The following KIAA0825 variants were observed in gnomAD, a reference collection of about 807,000 sequenced individuals.
KIAA0825 encodes the protein KIAA0825.
In KIAA0825, 119 loss-of-function variants were observed where a neutral mutation model predicts 147.6. The observed-to-expected ratio is 0.81, with a 90% CI of 0.69 to 0.94. KIAA0825 has a LOEUF of 0.94. KIAA0825 is among the 40% of genes least tolerant of loss of function. KIAA0825 has a pLI of 0.00. For synonymous variants in KIAA0825, 470 were observed against 518.1 expected (o/e 0.91, Z 1.26); for missense variants, 1,381 against 1,472.7 (o/e 0.94, Z 1.02).
At chr5:94,563,407 T>C (rs1391956148) in intron 2 of KIAA0825, among the ~76,000 whole-genome samples, 1 of 151,994 alleles carries the variant, frequency 6.6e-6, no homozygotes, top group East Asian at 1.9e-4. Flanking sequence ...AAAGTCAGAT[T>C]TCTAGAAAAG....
At chr5:94,388,200 T>C (rs1749431106) in intron 18 of KIAA0825, among the ~76,000 whole-genome samples, 1 of 152,170 alleles carries the variant, frequency 6.6e-6, no homozygotes, top group South Asian at 2.1e-4. Flanking sequence ...ATAGGGTTCA[T>C]GCTCCTATGA....
At chr5:94,294,295 C>G (rs941181642) in intron 20 of KIAA0825, among the ~76,000 whole-genome samples, 2 of 152,182 alleles carry the variant, frequency 1.3e-5, no homozygotes, top group Non-Finnish European at 2.9e-5. Flanking sequence ...TTTAGTGCTT[C>G]TTTCAGGAGC....
intron 5 of KIAA0825, among the ~76,000 whole-genome samples, chr5:94,486,276 CA>C (rs1256402255): frequency 6.6e-6 from 1 of 151,968 alleles, no homozygotes; most frequent in African/African-American, 2.4e-5. Flanking sequence ...AAGTGCTATT[CA>C]AAAACTGTAT....
At position 94,396,503 on chromosome 5, in the gene KIAA0825, G is replaced by T. The variant is rs1335003001; in HGVS notation, c.2894C>A (p.Thr965Lys). 6 of 1,478,804 alleles carry T rather than the reference G, an allele frequency of 4.1e-6. No individual in the cohort carries two copies. The African/African-American group carries it at 7.1e-5, about 18-fold the overall frequency. 91.6% of individuals were successfully genotyped at this position (1,478,804 alleles called of 1,614,324 possible). Residue 965 changes from threonine (T) to lysine (K), a missense_variant, in exon 17 of 21, where the codon ACA becomes AAA. Physicochemically the swap from Thr to Lys is moderately conservative, Grantham distance 78. Transcript: ENST00000682413. Reference protein sequence around the residue: ...TNRKESCKSFTRLTAQAVSIV... With the variant: ...TNRKESCKSFKRLTAQAVSIV... ...AGATACTGCCTGAGCAGTAAGCCTT[G>T]TGAAGCCTGGGGAAGAAAAGAAAAG...
At position 94,379,955 on chromosome 5, in the gene KIAA0825, G is replaced by A. The variant is rs183286753; in HGVS notation, c.3710+4413C>T. 1.7e-3 allele frequency among the ~76,000 whole-genome samples: 235 copies of A among 136,846 alleles called. 1 individual carries two copies. Among genetic ancestry groups the A allele is most frequent in the African/African-American group, 6.2e-3 (225 of 36,418 alleles). 89.8% of individuals were successfully genotyped at this position (136,846 alleles called of 152,430 possible). A position where few individuals can be genotyped will look rare whatever the true frequency, so the allele number is the denominator to read the frequency against. On this transcript the variant is annotated intron_variant, in intron 20 of 20. Coordinates refer to ENST00000682413, the MANE Select transcript of KIAA0825 (RefSeq NM_001145678.3). The stretch of plus-strand genomic sequence containing the variant: ...TGCAAGCTCCACCTCCTGGGCTCAC[G>A]CCATTCTCCTGCCTCAGCCTCCCCA...
intron 20 of KIAA0825, among the ~76,000 whole-genome samples, chr5:94,278,509 C>T (rs974987991): frequency 1.3e-5 from 2 of 151,792 alleles, no homozygotes; most frequent in Non-Finnish European, 3.0e-5. Context: ...AAGATAGTAT[C>T]TATGTGTTTT....
At chr5:94,160,280 CTTTG>C (rs1261959267) in intron 20 of KIAA0825, among the ~76,000 whole-genome samples, 2 of 151,874 alleles carry the variant, frequency 1.3e-5, no homozygotes, top group Non-Finnish European at 1.5e-5. Flanking sequence ...CATCTTTAAA[CTTTG>C]TTTTTGTCCT....
At chr5:94,476,766 T>A (rs898947127) in intron 7 of KIAA0825, among the ~76,000 whole-genome samples, 30 of 152,276 alleles carry the variant, frequency 2.0e-4, no homozygotes, top group African/African-American at 7.2e-4. Context: ...ATGAGGCCAG[T>A]TGAGATGATT....
At chr5:94,427,679 AT>A (rs1554278180) in intron 14 of KIAA0825, among the ~76,000 whole-genome samples, 1 of 152,166 alleles carries the variant, frequency 6.6e-6, no homozygotes, top group Non-Finnish European at 1.5e-5. Flanking sequence ...TTTAAATGGT[AT>A]AAGTATTTTT....
At chr5:94,505,079 G>T (rs932651136) in intron 5 of KIAA0825, among the ~76,000 whole-genome samples, 1 of 151,680 alleles carries the variant, frequency 6.6e-6, no homozygotes, top group African/African-American at 2.4e-5. Flanking sequence ...TTAATCTCAG[G>T]CCAGGCACGG....
intron 20 of KIAA0825, among the ~76,000 whole-genome samples, chr5:94,161,983 A>C (rs74699674): frequency 3.3e-5 from 5 of 152,170 alleles, no homozygotes; most frequent in African/African-American, 1.2e-4. Context: ...ATGCCACCCA[A>C]GCTGAGGCCA....
At chr5:94,450,382 A>C (rs1758253076) in intron 13 of KIAA0825, among the ~76,000 whole-genome samples, 1 of 147,750 alleles carries the variant, frequency 6.8e-6, no homozygotes, top group Non-Finnish European at 1.5e-5. Flanking sequence ...GGGAATCTGC[A>C]TACTAGATCA....
At chr5:94,320,112 G>A (rs1780021068) in intron 20 of KIAA0825, among the ~76,000 whole-genome samples, 1 of 151,798 alleles carries the variant, frequency 6.6e-6, no homozygotes, top group South Asian at 2.1e-4. Context: ...GTCTTCCCTG[G>A]TTTTCCCACT....
intron 5 of KIAA0825, among the ~76,000 whole-genome samples, chr5:94,512,217 A>G (rs1766586603): frequency 6.6e-6 from 1 of 152,082 alleles, no homozygotes; most frequent in Non-Finnish European, 1.5e-5. Context: ...AAATCTTGCT[A>G]ATGTTTATTT....
intron 20 of KIAA0825, among the ~76,000 whole-genome samples, chr5:94,226,687 A>G (rs1344400273): frequency 3.3e-5 from 5 of 152,072 alleles, no homozygotes; most frequent in Non-Finnish European, 7.4e-5. Context: ...AATGAACTCA[A>G]ACAAATTTAC....
chr5:94,528,957 G>T (rs2151275442), intron 3 of KIAA0825, among the ~76,000 whole-genome samples: 1 of 151,596 alleles, frequency 6.6e-6, no homozygotes, highest in Non-Finnish European at 1.5e-5. Context: ...TCTCTTTTTG[G>T]AGAAAGAGAC....
At chr5:94,473,192 G>T in intron 8 of KIAA0825, 100 bp downstream of exon 8, 1 of 887,120 alleles carries the variant, frequency 1.1e-6, no homozygotes, top group Non-Finnish European at 1.8e-6. Flanking sequence ...ACTTGCCAAG[G>T]GACTCCACCA....
intron 20 of KIAA0825, among the ~76,000 whole-genome samples, chr5:94,312,511 C>T (rs991475419): frequency 2.0e-5 from 3 of 151,594 alleles, no homozygotes; most frequent in Non-Finnish European, 3.0e-5. Context: ...CAATATTTTG[C>T]GTTCTAAAGA....
chr5:94,317,797 T>C (rs1439840680), intron 20 of KIAA0825, among the ~76,000 whole-genome samples: 2 of 151,898 alleles, frequency 1.3e-5, no homozygotes, highest in African/African-American at 4.8e-5. Flanking sequence ...AACCTTATAT[T>C]GTCTATATTT....
Sources: gnomAD v4.1 joint callset for allele counts (sites outside exome capture counted in the v4.1 genomes callset) on GRCh38, gnomAD v4.1.1 for gene constraint, MANE v1.5 for transcripts, NCBI Gene and HGNC (gene_info 2026-07-23, HGNC 2026-07-21) for gene names.